The following KMT2C variants were observed in gnomAD, a reference collection of about 807,000 sequenced individuals.
The protein encoded by KMT2C is histone-lysine N-methyltransferase 2C.
Under a neutral mutation model 507.9 loss-of-function variants are expected in KMT2C, and 88 were observed. That is an observed-to-expected ratio of 0.17 (90% CI 0.15 to 0.21). KMT2C has a LOEUF of 0.21. Among genes scored for constraint, KMT2C ranks in the 10% least tolerant of loss-of-function variants. KMT2C has a pLI of 1.00. For synonymous variants in KMT2C, 2,049 were observed against 2,080.8 expected, an observed-to-expected ratio of 0.98 and a Z score of 0.42; for missense variants, 4,954 against 5,957.8, an observed-to-expected ratio of 0.83 and a Z score of 5.55.
intron 7 of KMT2C, among the ~76,000 whole-genome samples, chr7:152,269,888 G>C (rs2095929532): frequency 6.6e-6 from 1 of 152,100 alleles, no homozygotes; most frequent in Non-Finnish European, 1.5e-5. Context: ...AAAGAGAAGA[G>C]ATAAATAAAA....
chr7:152,395,359 C>G (rs1179296085), intron 1 of KMT2C, among the ~76,000 whole-genome samples: 1 of 151,658 alleles, frequency 6.6e-6, no homozygotes, highest in Admixed American at 6.6e-5. Flanking sequence ...TTTCTTTCCC[C>G]CCCCCAGTTA....
Position 152,297,057 on chromosome 7 carries a change from G to GAAAGAA in KMT2C, c.849+12908_849+12909insTTCTTT, listed in dbSNP as rs756980169. 4.4e-3 allele frequency among the ~76,000 whole-genome samples: 400 copies of GAAAGAA among 90,532 alleles called. 2 individuals are homozygous for GAAAGAA. The highest frequency in any genetic ancestry group is 0.014 in the East Asian group (37 of 2,680). The allele number at this position is 90,532 out of a possible 152,430, so 59.4% of individuals were successfully genotyped here. On this transcript the variant is annotated intron_variant, in intron 6 of 58. Coordinates refer to ENST00000262189, the MANE Select transcript of KMT2C (RefSeq NM_170606.3). ...AGAAAGAAAGAAAGAAAGAAAGACA[G>GAAAGAA]AGAGAGAGAGAGAGAGAGAGAGAGA...
intron 1 of KMT2C, chr7:152,368,586 A>C: frequency 7.1e-7 from 1 of 1,410,800 alleles, no homozygotes; most frequent in Non-Finnish European, 9.9e-7. Context: ...CAAACTGGGA[A>C]GCTCAACAAC....
At chr7:152,146,801 TGAA>T in intron 52 of KMT2C, 66 bp from the exon 53 acceptor site, 1 of 1,392,374 alleles carries the variant, frequency 7.2e-7, no homozygotes, top group Non-Finnish European at 1.0e-6. Flanking sequence ...AAGAGCAAAA[TGAA>T]GAATAACCAC....
intron 43 of KMT2C, among the ~76,000 whole-genome samples, chr7:152,159,276 A>C (rs2092300904): frequency 6.6e-6 from 1 of 152,230 alleles, no homozygotes; most frequent in Non-Finnish European, 1.5e-5. Context: ...GGAAATCAGT[A>C]AGCTGCGAAG....
At chr7:152,368,515 A>G (rs1363728870) in intron 1 of KMT2C, 2 of 1,346,994 alleles carry the variant, frequency 1.5e-6, no homozygotes, top group Non-Finnish European at 2.1e-6. Context: ...AATGAAAAAG[A>G]ATTTGGAAGC....
At chr7:152,287,762 G>A (rs1308285936) in intron 6 of KMT2C, among the ~76,000 whole-genome samples, 4 of 151,994 alleles carry the variant, frequency 2.6e-5, no homozygotes, top group African/African-American at 9.7e-5. Context: ...AGTGGCTCAC[G>A]CCTGCAATCC....
chr7:152,208,779 T>C (rs537072075), intron 23 of KMT2C, among the ~76,000 whole-genome samples: 1 of 152,364 alleles, frequency 6.6e-6, no homozygotes, highest in South Asian at 2.1e-4. Flanking sequence ...ACAGGGTATT[T>C]GTCTTTTGTT....
Position 152,238,466 on chromosome 7 carries a change from C to G in KMT2C, c.2652+241G>C, listed in dbSNP as rs566649995. Among the ~76,000 whole-genome samples, 6 of 152,366 alleles carry G rather than the reference C, an allele frequency of 3.9e-5. No individual in the cohort carries two copies. The South Asian group carries it at 1.2e-3, about 32-fold the overall frequency. On this transcript the variant is annotated intron_variant, in intron 15 of 58. Transcript: ENST00000262189. ...TACCTTTTGGTCTACATGTCAAGGA[C>G]TTCTCCCTCATAAAAACAGTAGTAA...
chr7:152,349,637 G>A (rs1056281235), intron 2 of KMT2C, among the ~76,000 whole-genome samples: 2 of 151,946 alleles, frequency 1.3e-5, no homozygotes, highest in African/African-American at 4.8e-5. Context: ...AGCAAGGAGG[G>A]AGGGAGCAAG....
chr7:152,430,788 C>T (rs2097857102), intron 1 of KMT2C, among the ~76,000 whole-genome samples: 1 of 152,194 alleles, frequency 6.6e-6, no homozygotes, highest in African/African-American at 2.4e-5. Context: ...CTGACTCAGT[C>T]TCCCAAAAGT....
rs983045084 is a variant in KMT2C at position 152,181,446 on chromosome 7, T to C, written c.6414A>G (p.Pro2138=). Residue 2138 remains proline, a synonymous_variant, in exon 36 of 59, where the codon CCA becomes CCG. Coordinates refer to ENST00000262189, the MANE Select transcript of KMT2C (RefSeq NM_170606.3). Reference sequence around the variant, plus strand: ...GGGAATAAGAATCTACAACAGGTCGTGGAGTTCCTGGGGGTTGGGAGTATG... The same window carrying C: ...GGGAATAAGAATCTACAACAGGTCGCGGAGTTCCTGGGGGTTGGGAGTATG... ...QDPYSQPPGT[P]RPVVDSYSQS... 6.2e-7 allele frequency: 1 copy of C among 1,614,046 alleles called. No individual in the cohort carries two copies. Among genetic ancestry groups the C allele is most frequent in the Admixed American group, 1.7e-5 (1 of 59,990 alleles).
rs2129089247 is a variant in KMT2C, at chr7:152,138,866, T to C, written c.14573A>G (p.Glu4858Gly). The part of the protein sequence containing the change: ...NHSCAPNCVA[E>G]VVTFERGHKI... ...GTGTCCTCTCTCAAAAGTCACCACT[T>C]CAGCCACACAATTAGGTGCACACGA... Residue 4858 changes from glutamate to glycine, a missense_variant, in exon 58 of 59, where the codon GAA (glutamate) becomes GGA (glycine). Physicochemically the swap from Glu to Gly is moderately conservative, Grantham distance 98. Around this residue, in one of 29 missense-constraint regions of KMT2C, gnomAD observed 133 missense variants for 258.9 expected, o/e 0.51. Coordinates refer to ENST00000262189, the MANE Select transcript of KMT2C (RefSeq NM_170606.3). This position sits in a 1 kb window ranked among gnomAD's most constrained non-coding sequence, Gnocchi z 4.2. The C allele has an allele frequency of 6.2e-7, 1 of 1,613,772 alleles. No homozygotes were observed. The highest frequency in any genetic ancestry group is 8.5e-7 in the Non-Finnish European group (1 of 1,179,906).
intron 33 of KMT2C, 122 bp downstream of exon 33, chr7:152,187,140 C>T (rs931162316): frequency 1.3e-5 from 9 of 710,524 alleles, no homozygotes; most frequent in Non-Finnish European, 1.9e-5. Flanking sequence ...AGGGAATCTT[C>T]ATGTTGTGGG....
chr7:152,390,728 T>C (rs544697593), intron 1 of KMT2C, among the ~76,000 whole-genome samples: 1 of 152,246 alleles, frequency 6.6e-6, no homozygotes, highest in East Asian at 1.9e-4. Flanking sequence ...TTAAATCCCA[T>C]GCCGTTTGAT....
chr7:152,214,306 G>A lies in KMT2C; in HGVS notation c.3712+6217C>T, dbSNP rs557833547. 1.3e-5 allele frequency among the ~76,000 whole-genome samples: 2 copies of A among 152,272 alleles called. 1 individual carries two copies. The highest frequency in any genetic ancestry group is 4.1e-4 in the South Asian group (2 of 4,822). On this transcript the variant is annotated intron_variant, in intron 23 of 58. Coordinates refer to ENST00000262189, the MANE Select transcript of KMT2C (RefSeq NM_170606.3). ...CATTACTCCCAATAGCCAAGATATG[G>A]AAACAAACTAAGTGTCCTGATGGAC...
chr7:152,417,951 TAAAAAAAAA>T (rs748980838), intron 1 of KMT2C, among the ~76,000 whole-genome samples: 2 of 110,968 alleles, frequency 1.8e-5, no homozygotes, highest in South Asian at 3.2e-4. Flanking sequence ...CTCTTTCTTT[TAAAAAAAAA>T]AAAAAAAAAA....
chr7:152,421,056 A>C (rs189094712), intron 1 of KMT2C, among the ~76,000 whole-genome samples: 4 of 152,196 alleles, frequency 2.6e-5, no homozygotes, highest in African/African-American at 9.6e-5. Context: ...AACAAGCAAA[A>C]AACAACCCCA....
At chr7:152,254,350 ACT>A (rs1372421741) in intron 9 of KMT2C, among the ~76,000 whole-genome samples, 1 of 152,134 alleles carries the variant, frequency 6.6e-6, no homozygotes, top group Non-Finnish European at 1.5e-5. Flanking sequence ...TATCAAACAG[ACT>A]CTAATACCAC....
Sources: gnomAD v4.1 joint callset for allele counts (sites outside exome capture counted in the v4.1 genomes callset) on GRCh38, gnomAD v4.1.1 for gene constraint, gnomAD v4.1.1 regional missense constraint, Gnocchi (gnomAD v3.1) non-coding constraint, MANE v1.5 for transcripts, NCBI Gene and HGNC (gene_info 2026-07-23, HGNC 2026-07-21) for gene names.